Variants in NRDE2 observed in about 807,000 individuals in gnomAD.
The protein encoded by NRDE2 is NRDE-2, necessary for RNA interference, domain containing, also known as nuclear exosome regulator NRDE2.
A neutral mutation model predicts 124.2 loss-of-function variants in NRDE2; 76 were observed. The observed-to-expected ratio is 0.61, with a 90% CI of 0.51 to 0.74. The LOEUF is 0.74. NRDE2 is among the 30% of genes least tolerant of loss of function. NRDE2 has a pLI of 0.00. For synonymous variants in NRDE2, 489 were observed against 528.1 expected, an observed-to-expected ratio of 0.93 and a Z score of 1.01; for missense variants, 1,314 against 1,417.3, an observed-to-expected ratio of 0.93 and a Z score of 1.17.
chr14:90,289,821 C>T (rs977998544), intron 10 of NRDE2, among the ~76,000 whole-genome samples: 2 of 152,200 alleles, frequency 1.3e-5, no homozygotes, highest in Non-Finnish European at 2.9e-5. Flanking sequence ...CTCCTGACCT[C>T]AGGTGATCCG....
Sources: gnomAD v4.1 joint callset for allele counts (sites outside exome capture counted in the v4.1 genomes callset) on GRCh38, gnomAD v4.1.1 for gene constraint, MANE v1.5 for transcripts, NCBI Gene and HGNC (gene_info 2026-07-23, HGNC 2026-07-21) for gene names.